The following TRERF1 variants were observed in gnomAD, a reference collection of about 807,000 sequenced individuals.
The protein encoded by TRERF1 is transcriptional regulating factor 1.
In TRERF1, 27 loss-of-function variants were observed where a neutral mutation model predicts 122.9. The observed-to-expected ratio is 0.22, with a 90% confidence interval of 0.16 to 0.30. The LOEUF (loss-of-function observed/expected upper bound fraction) is 0.30, where lower values mean the gene tolerates loss of function less well. Among genes scored for constraint, TRERF1 ranks in the 10% least tolerant of loss-of-function variants. TRERF1 has a pLI of 1.00. For synonymous variants in TRERF1, 636 were observed against 641.7 expected, an observed-to-expected ratio of 0.99 and a Z score of 0.13; for missense variants, 1,248 against 1,560.3, an observed-to-expected ratio of 0.80 and a Z score of 3.37.
Position 42,263,642 on chromosome 6 carries a change from G to T in TRERF1, c.1636-74C>A. On this transcript the variant is annotated intron_variant, in intron 7 of 17. Coordinates refer to ENST00000372922, the Ensembl canonical transcript of TRERF1. The surrounding 1 kb of genome is among the most constrained non-coding windows in gnomAD (Gnocchi z 5.6). ...AAGGGGGATGCACTTTGCTTTTCCC[G>T]AAAGGTTCCAGGACATCAGGTATGG... is the stretch of plus-strand genomic sequence containing the variant. 7 of 1,404,622 alleles carry T rather than the reference G, an allele frequency of 5.0e-6. No individual in the cohort carries two copies. Among genetic ancestry groups the T allele is most frequent in the Non-Finnish European group, 6.5e-6 (7 of 1,074,344 alleles). 87.0% of individuals were successfully genotyped at this position (1,404,622 alleles called of 1,614,324 possible).
At chr6:42,391,907 T>G (rs1002825893) in intron 2 of TRERF1, among the ~76,000 whole-genome samples, 2 of 152,174 alleles carry the variant, frequency 1.3e-5, no homozygotes, top group African/African-American at 4.8e-5. Context: ...TAAAATGTGA[T>G]GAAGGCCTGT....
chr6:42,247,171 G>A lies in TRERF1; in HGVS notation c.2657-627C>T, dbSNP rs150529697. Among the ~76,000 whole-genome samples, 305 of 152,354 alleles carry A rather than the reference G, an allele frequency of 2.0e-3. 1 individual carries two copies. The highest frequency in any genetic ancestry group is 6.7e-3 in the African/African-American group (280 of 41,574). On this transcript the variant is annotated intron_variant, in intron 13 of 17. Transcript: ENST00000372922. ...TCCAGCTAGAGAAAACATGAGTTGA[G>A]TTTTAAAGGTCACATAGAAGCAAGT...
exon 18 of TRERF1, chr6:42,227,314 C>T (rs777310031): frequency 6.6e-6 from 1 of 152,192 alleles, no homozygotes; most frequent in Non-Finnish European, 1.5e-5. Context: ...TTCAGTCCAG[C>T]GGATGTGAAT....
intron 2 of TRERF1, among the ~76,000 whole-genome samples, chr6:42,424,628 C>T (rs1028274923): frequency 3.3e-5 from 5 of 152,172 alleles, no homozygotes; most frequent in African/African-American, 9.7e-5. Flanking sequence ...TCAAGTTACA[C>T]GCCTACCAGC....
intron 3 of TRERF1, among the ~76,000 whole-genome samples, chr6:42,338,058 A>T (rs986341784): frequency 2.0e-5 from 3 of 152,178 alleles, no homozygotes; most frequent in African/African-American, 7.2e-5. Flanking sequence ...GGGCACGTGA[A>T]GGTCTAGGAA....
chr6:42,395,522 T>A (rs1276994003), intron 2 of TRERF1, among the ~76,000 whole-genome samples: 1 of 152,104 alleles, frequency 6.6e-6, no homozygotes, highest in Non-Finnish European at 1.5e-5. Flanking sequence ...TTTTGCCCAC[T>A]CGGACTCAAC....
chr6:42,311,060 A>G (rs777127849), intron 3 of TRERF1, among the ~76,000 whole-genome samples: 12 of 152,220 alleles, frequency 7.9e-5, no homozygotes, highest in Non-Finnish European at 1.5e-4. Context: ...ATATTTATTG[A>G]GCACCTACTA....
chr6:42,396,483 G>T (rs1397377618), intron 2 of TRERF1, among the ~76,000 whole-genome samples: 1 of 152,184 alleles, frequency 6.6e-6, no homozygotes, highest in African/African-American at 2.4e-5. Context: ...AGGGGGAAAT[G>T]ATAGAGAATA....
chr6:42,342,457 C>T (rs1431657002), intron 3 of TRERF1, among the ~76,000 whole-genome samples: 2 of 152,140 alleles, frequency 1.3e-5, no homozygotes, highest in South Asian at 2.1e-4. Context: ...CCAAGAGTCC[C>T]ACATCCTTCT....
At chr6:42,414,419 C>T (rs1781545963) in intron 2 of TRERF1, among the ~76,000 whole-genome samples, 1 of 152,194 alleles carries the variant, frequency 6.6e-6, no homozygotes, top group Non-Finnish European at 1.5e-5. Context: ...AAATATTATA[C>T]TGTCAAAAAC....
chr6:42,451,716 T>A (rs1214238130), intron 1 of TRERF1, among the ~76,000 whole-genome samples: 1 of 149,186 alleles, frequency 6.7e-6, no homozygotes, highest in Non-Finnish European at 1.5e-5. Flanking sequence ...GGAAACTTAC[T>A]CCCAGATATA....
intron 2 of TRERF1, among the ~76,000 whole-genome samples, chr6:42,366,110 C>T (rs1405724492): frequency 6.6e-6 from 1 of 152,184 alleles, no homozygotes; most frequent in Non-Finnish European, 1.5e-5. Flanking sequence ...CCACCCAGCT[C>T]CAGCCCTCTC....
At chr6:42,230,377 A>AT (rs1770285052) in intron 17 of TRERF1, among the ~76,000 whole-genome samples, 1 of 152,174 alleles carries the variant, frequency 6.6e-6, no homozygotes, top group Admixed American at 6.5e-5. Flanking sequence ...AAAACATTTA[A>AT]TAGATGCTAC....
rs1245272892 is a variant in TRERF1 at position 42,256,943 on chromosome 6, C to T, written c.2476+20G>A. Reference sequence around the variant, plus strand: ...AGAGAATCAAACCTCTCCCACCCAGCTCTTCCCATATGCCAATACCTCTTT... The same window carrying T: ...AGAGAATCAAACCTCTCCCACCCAGTTCTTCCCATATGCCAATACCTCTTT... On this transcript the variant is annotated intron_variant, in intron 11 of 17. Transcript: ENST00000372922. 6.2e-7 allele frequency: 1 copy of T among 1,614,044 alleles called. No individual in the cohort carries two copies. Among genetic ancestry groups the T allele is most frequent in the African/African-American group, 1.3e-5 (1 of 75,046 alleles).
intron 16 of TRERF1, among the ~76,000 whole-genome samples, chr6:42,233,725 T>C (rs1307120605): frequency 6.6e-6 from 1 of 152,186 alleles, no homozygotes; most frequent in Non-Finnish European, 1.5e-5. Context: ...GCAGAGGTGC[T>C]CTGGCTAGAA....
At chr6:42,436,812 A>ATATATATATAT (rs1472456515) in intron 2 of TRERF1, among the ~76,000 whole-genome samples, 21 of 97,952 alleles carry the variant, frequency 2.1e-4, no homozygotes, top group South Asian at 4.5e-4. Flanking sequence ...AAAAAAAAAA[A>ATATATATATAT]AAATATATAT....
intron 3 of TRERF1, among the ~76,000 whole-genome samples, chr6:42,349,999 T>C (rs1262092884): frequency 1.3e-5 from 2 of 152,210 alleles, no homozygotes; most frequent in African/African-American, 4.8e-5. Flanking sequence ...CGTATTAGAT[T>C]CACCTAATCT....
chr6:42,272,407 C>T (rs960331521), intron 4 of TRERF1, among the ~76,000 whole-genome samples: 8 of 152,094 alleles, frequency 5.3e-5, no homozygotes, highest in East Asian at 1.9e-4. Flanking sequence ...GGATGCTGGG[C>T]GTGAGAGTGC....
chr6:42,328,697 G>A (rs1764732014), intron 3 of TRERF1, among the ~76,000 whole-genome samples: 2 of 152,206 alleles, frequency 1.3e-5, no homozygotes, highest in Admixed American at 6.5e-5. Flanking sequence ...CTGAAGGTTT[G>A]TTCAGAGCAT....
Sources: gnomAD v4.1 joint callset for allele counts (sites outside exome capture counted in the v4.1 genomes callset) on GRCh38, gnomAD v4.1.1 for gene constraint, Gnocchi (gnomAD v3.1) non-coding constraint, MANE v1.5 for transcripts, NCBI Gene and HGNC (gene_info 2026-07-23, HGNC 2026-07-21) for gene names.